The following BCO1 variants were observed in gnomAD, a reference collection of about 807,000 sequenced individuals.
The protein encoded by BCO1 is beta-carotene oxygenase 1.
BCO1 carries 54 observed loss-of-function variants against 56.3 expected under a neutral mutation model. The ratio of observed to expected loss-of-function variants is 0.96; its 90% CI spans 0.77 to 1.20. The LOEUF (loss-of-function observed/expected upper bound fraction) is 1.20. BCO1 is among the 50% of genes most tolerant of loss of function. BCO1 has a pLI of 0.00. For synonymous variants in BCO1, 318 were observed against 266.1 expected (o/e 1.20, Z -1.90); for missense variants, 801 against 690.9 (o/e 1.16, Z -1.79).
At chr16:81,281,812 G>A (rs1022615370) in intron 8 of BCO1, among the ~76,000 whole-genome samples, 2 of 152,170 alleles carry the variant, frequency 1.3e-5, no homozygotes, top group Non-Finnish European at 2.9e-5. Flanking sequence ...TCTACCCACT[G>A]GAAGCCAGGA....
At position 81,255,569 on chromosome 16, in the gene BCO1, A is replaced by T. The variant is rs189131436; in HGVS notation, c.194-4107A>T. Among the ~76,000 whole-genome samples the T allele has an allele frequency of 4.0e-3, 594 of 147,698 alleles. 4 individuals carry two copies. The highest frequency in any genetic ancestry group is 0.014 in the African/African-American group (540 of 39,698). ...GGCTGGAGTGCAGTGGCGTGATCTCAGCTCACTGCAACCTCTGCCTCCTGG... is the reference window on the plus strand; with the variant it reads ...GGCTGGAGTGCAGTGGCGTGATCTCTGCTCACTGCAACCTCTGCCTCCTGG... On this transcript the variant is annotated intron_variant, in intron 2 of 10. Transcript: ENST00000258168.
Position 81,287,309 on chromosome 16 carries a change from C to T in BCO1, c.1317C>T (p.Asp439=), listed in dbSNP as rs765033761. The stretch of plus-strand genomic sequence containing the variant: ...TGGATGTACAGATAATAAAATATGA[C>T]ATTCTCACAAAGTCATCCTTAAAAT... ...SPIPTKIIKY[D]ILTKSSLKWR... is the part of the protein sequence containing the mutation. The change falls in exon 10 of 11, where the codon GAC becomes GAT. Residue 439 remains aspartate (D), a synonymous_variant. Transcript: ENST00000258168. The T allele has an allele frequency of 6.2e-7, 1 of 1,612,968 alleles. No homozygotes were observed. Among genetic ancestry groups the T allele is most frequent in the East Asian group, 2.2e-5 (1 of 44,870 alleles).
chr16:81,247,051 A>G (rs934816773), intron 2 of BCO1, among the ~76,000 whole-genome samples: 2 of 152,092 alleles, frequency 1.3e-5, no homozygotes, highest in African/African-American at 2.4e-5. Flanking sequence ...TGGGATGTAA[A>G]TTCTTTGCTG....
At chr16:81,271,973 C>G (rs1907245280) in intron 7 of BCO1, among the ~76,000 whole-genome samples, 1 of 152,118 alleles carries the variant, frequency 6.6e-6, no homozygotes, top group Admixed American at 6.6e-5. Context: ...TCTTGAACTC[C>G]TGAACTCAGG....
intron 4 of BCO1, chr16:81,262,992 T>C (rs969270121): frequency 2.6e-5 from 4 of 152,812 alleles, no homozygotes; most frequent in Non-Finnish European, 5.8e-5. Context: ...CCTTCCTGGC[T>C]TCTAGCGGTT....
intron 10 of BCO1, among the ~76,000 whole-genome samples, chr16:81,288,222 T>A (rs1567468106): frequency 6.6e-6 from 1 of 152,208 alleles, no homozygotes; most frequent in Non-Finnish European, 1.5e-5. Flanking sequence ...TCTCTCAGAA[T>A]GCAGAATCTT....
rs369516240 is a variant in BCO1, at chr16:81,277,845, T to G, written c.1102-3012T>G. Among the ~76,000 whole-genome samples the G allele has an allele frequency of 3.9e-5, 6 of 152,134 alleles. No individual in the cohort carries two copies. In the East Asian group the frequency reaches 9.6e-4, roughly 24 times the overall value. ...TTGTTATTGCTGTGTGTGGAAAAAT[T>G]CACAGTTTATTCCTCAACCAGTCCG... On this transcript the variant is annotated intron_variant, in intron 7 of 10. Coordinates refer to ENST00000258168, the MANE Select transcript of BCO1 (RefSeq NM_017429.3).
intron 7 of BCO1, among the ~76,000 whole-genome samples, chr16:81,271,369 C>A (rs1174956826): frequency 6.6e-6 from 1 of 152,162 alleles, no homozygotes; most frequent in Admixed American, 6.5e-5. Flanking sequence ...CCCACCTTGG[C>A]CTCCCAAAGA....
Position 81,270,220 on chromosome 16 carries a change from A to T in BCO1, c.905A>T (p.Asp302Val). The T allele has an allele frequency of 6.2e-7, 1 of 1,614,138 alleles. No homozygotes were observed. The highest frequency in any genetic ancestry group is 1.6e-4 in the Middle Eastern group (1 of 6,062). The change falls in exon 7 of 11, where the codon GAC becomes GTC. Residue 302 changes from aspartate (D) to valine (V), a missense_variant. Coordinates refer to ENST00000258168, the MANE Select transcript of BCO1 (RefSeq NM_017429.3). ...RQPVQTKFYTDAMVVFHHVNA... is the reference protein window; with the variant it reads ...RQPVQTKFYTVAMVVFHHVNA... ...CCTGTGCAGACCAAGTTTTACACAG[A>T]CGCCATGGTGGTCTTCCATCACGTC... is the stretch of plus-strand genomic sequence containing the variant.
intron 7 of BCO1, among the ~76,000 whole-genome samples, chr16:81,270,889 T>C (rs1012623926): frequency 6.6e-6 from 1 of 151,500 alleles, no homozygotes; most frequent in Non-Finnish European, 1.5e-5. Flanking sequence ...GGACTACAGG[T>C]GCCCGCCACC....
chr16:81,244,350 G>T (rs747387978), intron 1 of BCO1, among the ~76,000 whole-genome samples: 2 of 151,710 alleles, frequency 1.3e-5, no homozygotes, highest in African/African-American at 2.4e-5. Flanking sequence ...TTATTTCAGT[G>T]GTATATTTTA....
intron 1 of BCO1, among the ~76,000 whole-genome samples, chr16:81,239,495 G>A (rs534823063): frequency 5.3e-4 from 80 of 152,288 alleles, no homozygotes; most frequent in Admixed American, 1.2e-3. Flanking sequence ...CAGTCTCACT[G>A]TTCCCAGGAA....
chr16:81,245,849 CTTTTTTTTTTTTTTT>C lies in BCO1; in HGVS notation c.193+258_193+272del, dbSNP rs1176582576. 1.7e-4 allele frequency among the ~76,000 whole-genome samples: 16 copies of C among 93,394 alleles called. 1 individual carries two copies. In the South Asian group the frequency reaches 6.7e-3, roughly 39 times the overall value. The allele number at this position is 93,394 out of a possible 152,430, so 61.3% of individuals were successfully genotyped here. On this transcript the variant is annotated intron_variant, in intron 2 of 10. Coordinates refer to ENST00000258168, the MANE Select transcript of BCO1 (RefSeq NM_017429.3). ...CCTTGACTTGTGGCTCCATCTCTGT[CTTTTTTTTTTTTTTT>C]TTTTTTTTTTTCTCTGAGACGGAGT...
intron 6 of BCO1, among the ~76,000 whole-genome samples, chr16:81,268,952 G>C (rs1030121068): frequency 1.5e-4 from 23 of 151,580 alleles, no homozygotes; most frequent in Non-Finnish European, 2.8e-4. Context: ...GTTTTGTAGA[G>C]ATTGGGGTCT....
chr16:81,290,588 G>GT lies in BCO1; in HGVS notation c.*14dup, dbSNP rs1908409657. Reference sequence around the variant, plus strand: ...GCTCCTCTGACCTGATGGTGTTGGGGTTTGGGTAGGGGAGGGGAGCTCGGC... The same window carrying GT: ...GCTCCTCTGACCTGATGGTGTTGGGGTTTTGGGTAGGGGAGGGGAGCTCGGC... On this transcript the variant is annotated 3_prime_UTR_variant, in exon 11 of 11. Transcript: ENST00000258168. 6.2e-7 allele frequency: 1 copy of GT among 1,606,948 alleles called. No individual in the cohort carries two copies. Among genetic ancestry groups the GT allele is most frequent in the South Asian group, 1.1e-5 (1 of 90,996 alleles).
chr16:81,245,092 A>G (rs1199942475), intron 1 of BCO1, among the ~76,000 whole-genome samples: 3 of 152,054 alleles, frequency 2.0e-5, no homozygotes, highest in Non-Finnish European at 4.4e-5. Flanking sequence ...GGATTTCATC[A>G]TGTTGGCCAG....
chr16:81,262,552 G>A, intron 4 of BCO1: 3 of 425,944 alleles, frequency 7.0e-6, no homozygotes, highest in African/African-American at 2.0e-5. Context: ...AATTGGCTGG[G>A]TGTGGTGACC....
At chr16:81,261,092 G>T (rs1473524033) in intron 3 of BCO1, among the ~76,000 whole-genome samples, 2 of 152,204 alleles carry the variant, frequency 1.3e-5, no homozygotes, top group African/African-American at 2.4e-5. Context: ...GAGGTGTGGA[G>T]TAGGAGCCAG....
At position 81,286,902 on chromosome 16, in the gene BCO1, C is replaced by T. The variant is rs147073420; in HGVS notation, c.1303-393C>T. Among the ~76,000 whole-genome samples the T allele has an allele frequency of 2.8e-3, 420 of 151,064 alleles. 3 individuals carry two copies. The highest frequency in any genetic ancestry group is 9.4e-3 in the African/African-American group (386 of 41,128). Reference sequence around the variant, plus strand: ...GACCAACCTGGCTATGGTGAAACCCCGTCTCTACTAAAAATACAAAAAATC... The same window carrying T: ...GACCAACCTGGCTATGGTGAAACCCTGTCTCTACTAAAAATACAAAAAATC... On this transcript the variant is annotated intron_variant, in intron 9 of 10. Coordinates refer to ENST00000258168, the MANE Select transcript of BCO1 (RefSeq NM_017429.3).
Sources: allele counts gnomAD v4.1 joint callset (sites outside exome capture counted in the v4.1 genomes callset), GRCh38; gene constraint gnomAD v4.1.1; transcripts MANE v1.5; gene names NCBI Gene and HGNC (gene_info 2026-07-23, HGNC 2026-07-21).